The following SAMMSON variants were observed in gnomAD, a reference collection of about 807,000 sequenced individuals.
SAMMSON encodes survival associated mitochondrial melanoma specific oncogenic non-coding RNA.
chr3:70,125,684 G>A, intron 4 of SAMMSON: 1 of 696,386 alleles, frequency 1.4e-6, no homozygotes, highest in East Asian at 2.7e-5. Flanking sequence ...GGTTGTGGTT[G>A]GTCAAATACA....
chr3:70,126,255 C>CT (rs34272654), intron 4 of SAMMSON: 102,318 of 824,322 alleles, frequency 0.12, 565 homozygotes, highest in Non-Finnish European at 0.14. Context: ...GTCATCAGAC[C>CT]TTTTTTTTTT....
intron 4 of SAMMSON, among the ~76,000 whole-genome samples, chr3:70,075,669 C>T (rs150380680): frequency 1.3e-5 from 2 of 152,020 alleles, no homozygotes; most frequent in Middle Eastern, 3.2e-3. Flanking sequence ...CTTTCAAAAC[C>T]TACTAGTGCT....
At chr3:70,272,008 C>G (rs1701980476) in intron 6 of SAMMSON, 1 of 152,266 alleles carries the variant, frequency 6.6e-6, no homozygotes, top group Non-Finnish European at 1.5e-5. Flanking sequence ...GGTGATCCGC[C>G]TGCCTTGGCC....
chr3:70,181,503 G>T (rs1701052913), intron 4 of SAMMSON, among the ~76,000 whole-genome samples: 1 of 152,208 alleles, frequency 6.6e-6, no homozygotes, highest in African/African-American at 2.4e-5. Flanking sequence ...AGTGTGACTT[G>T]TGTATACTCA....
At chr3:70,063,408 C>T (rs180983420) in intron 3 of SAMMSON, among the ~76,000 whole-genome samples, 1 of 152,194 alleles carries the variant, frequency 6.6e-6, no homozygotes, top group African/African-American at 2.4e-5. Flanking sequence ...GGATTCCTTG[C>T]TCTTGCTTGA....
At chr3:70,218,402 A>T (rs1484515154) in intron 4 of SAMMSON, among the ~76,000 whole-genome samples, 1 of 152,116 alleles carries the variant, frequency 6.6e-6, no homozygotes, top group African/African-American at 2.4e-5. Context: ...GTAAAGGTTT[A>T]TAAGCTTTAC....
At chr3:70,139,943 A>G (rs1233289184) in intron 4 of SAMMSON, among the ~76,000 whole-genome samples, 1 of 152,116 alleles carries the variant, frequency 6.6e-6, no homozygotes. Context: ...CACACCCTTC[A>G]TGTTCTCTTC....
At chr3:70,117,855 A>G (rs538162075) in intron 4 of SAMMSON, among the ~76,000 whole-genome samples, 1 of 152,342 alleles carries the variant, frequency 6.6e-6, no homozygotes, top group South Asian at 2.1e-4. Context: ...TATGAAAAAT[A>G]TTTCTAGCTA....
chr3:70,179,566 G>A (rs1701035146), intron 4 of SAMMSON, among the ~76,000 whole-genome samples: 1 of 152,120 alleles, frequency 6.6e-6, no homozygotes, highest in South Asian at 2.1e-4. Context: ...TTTTACTAAG[G>A]CCTCCTTATT....
intron 4 of SAMMSON, among the ~76,000 whole-genome samples, chr3:70,240,404 T>TG (rs1701656002): frequency 6.6e-6 from 1 of 152,100 alleles, no homozygotes; most frequent in Non-Finnish European, 1.5e-5. Context: ...TTTGTCTTTG[T>TG]TTAGACATTG....
intron 9 of SAMMSON, among the ~76,000 whole-genome samples, chr3:70,372,456 C>T (rs1027250509): frequency 1.6e-4 from 25 of 152,038 alleles, no homozygotes; most frequent in Non-Finnish European, 3.1e-4. Flanking sequence ...GGATTACAGG[C>T]GCCTGGCTCA....
At chr3:70,054,800 G>A (rs892483142) in intron 3 of SAMMSON, among the ~76,000 whole-genome samples, 1 of 152,074 alleles carries the variant, frequency 6.6e-6, no homozygotes, top group Non-Finnish European at 1.5e-5. Context: ...AATCTCAACA[G>A]GGAAGTAGCT....
intron 1 of SAMMSON, chr3:70,012,248 C>G (rs1421506550): frequency 1.3e-5 from 2 of 152,110 alleles, no homozygotes; most frequent in African/African-American, 2.4e-5. Context: ...TGTCTGCATC[C>G]TATCCTTGGA....
At chr3:70,263,075 C>G (rs184173210) in intron 6 of SAMMSON, among the ~76,000 whole-genome samples, 7 of 152,068 alleles carry the variant, frequency 4.6e-5, no homozygotes, top group Non-Finnish European at 8.8e-5. Flanking sequence ...TTATGTTTGT[C>G]TTTCCTCTAT....
At chr3:70,261,669 T>C (rs1701867827) in intron 6 of SAMMSON, among the ~76,000 whole-genome samples, 2 of 152,284 alleles carry the variant, frequency 1.3e-5, no homozygotes, top group South Asian at 4.2e-4. Context: ...AAACTGGCCT[T>C]ATTTTGTTGA....
intron 7 of SAMMSON, among the ~76,000 whole-genome samples, chr3:70,327,813 T>C (rs562882928): frequency 1.4e-4 from 22 of 152,178 alleles, no homozygotes; most frequent in Admixed American, 5.9e-4. Flanking sequence ...GGAGCCAAAA[T>C]TTTCCAAATA....
At chr3:70,133,649 T>C (rs1319349359) in intron 4 of SAMMSON, among the ~76,000 whole-genome samples, 1 of 152,012 alleles carries the variant, frequency 6.6e-6, no homozygotes, top group African/African-American at 2.4e-5. Flanking sequence ...TCTTAACCTG[T>C]GGGGTCTGAC....
At chr3:70,002,513 C>CT (rs980435119) in intron 1 of SAMMSON, among the ~76,000 whole-genome samples, 7 of 152,190 alleles carry the variant, frequency 4.6e-5, no homozygotes, top group African/African-American at 1.7e-4. Flanking sequence ...ATTCTCTCAC[C>CT]AACAGTGGCA....
chr3:70,188,546 G>A (rs144250713), intron 4 of SAMMSON, among the ~76,000 whole-genome samples: 2 of 152,148 alleles, frequency 1.3e-5, no homozygotes. Context: ...GAAAGGGATG[G>A]TATATGGAAT....
Sources: gnomAD v4.1 joint callset for allele counts (sites outside exome capture counted in the v4.1 genomes callset) on GRCh38, gnomAD v4.1.1 for gene constraint, MANE v1.5 for transcripts, NCBI Gene and HGNC (gene_info 2026-07-23, HGNC 2026-07-21) for gene names.